The following MACROD2 variants were observed in gnomAD, a reference collection of about 807,000 sequenced individuals.
MACROD2 encodes the protein ADP-ribose glycohydrolase MACROD2.
Under a neutral mutation model 70.4 loss-of-function variants are expected in MACROD2, and 36 were observed. The ratio of observed to expected loss-of-function variants is 0.51; its 90% CI spans 0.39 to 0.68. MACROD2 has a LOEUF of 0.68. MACROD2 is among the 30% of genes least tolerant of loss of function. The probability of loss-of-function intolerance (pLI) is 0.00; values close to 1 mark genes in which losing one functional copy is unlikely to be tolerated. For missense variants in MACROD2, 496 were observed against 538.4 expected (o/e 0.92, Z 0.78); for synonymous variants, 172 against 178.8 (o/e 0.96, Z 0.30).
chr20:14,072,967 A>T (rs938573406), intron 2 of MACROD2, among the ~76,000 whole-genome samples: 1 of 152,044 alleles, frequency 6.6e-6, no homozygotes, highest in Non-Finnish European at 1.5e-5. Flanking sequence ...ATCATGGTAA[A>T]TGCTATACAA....
intron 3 of MACROD2, among the ~76,000 whole-genome samples, chr20:14,380,749 T>G (rs1039561182): frequency 6.6e-6 from 1 of 152,148 alleles, no homozygotes. Context: ...ACTCTCAATC[T>G]GTTTCATTTG....
chr20:15,674,103 G>GT (rs138154797), intron 8 of MACROD2, among the ~76,000 whole-genome samples: 4,083 of 152,228 alleles, frequency 0.027, 216 homozygotes, highest in East Asian at 0.18. Context: ...TGGGGTGGTG[G>GT]TTCTGCGTTT....
chr20:14,268,476 T>C (rs910982408), intron 3 of MACROD2, among the ~76,000 whole-genome samples: 8 of 152,190 alleles, frequency 5.3e-5, no homozygotes, highest in Admixed American at 1.3e-4. Flanking sequence ...TAATCCCCTA[T>C]ATTTCTTGTA....
At chr20:14,456,681 A>G (rs1279469836) in intron 3 of MACROD2, among the ~76,000 whole-genome samples, 1 of 151,192 alleles carries the variant, frequency 6.6e-6, no homozygotes, top group African/African-American at 2.5e-5. Flanking sequence ...CTGATAGTGA[A>G]CAAAACATAC....
intron 8 of MACROD2, among the ~76,000 whole-genome samples, chr20:15,638,150 G>C (rs1432848370): frequency 6.6e-6 from 1 of 152,176 alleles, no homozygotes; most frequent in African/African-American, 2.4e-5. Flanking sequence ...AAGGAATTTG[G>C]CTCTGACATG....
intron 5 of MACROD2, among the ~76,000 whole-genome samples, chr20:15,073,081 A>G (rs1445990909): frequency 1.3e-5 from 2 of 152,124 alleles, no homozygotes; most frequent in African/African-American, 4.8e-5. Context: ...TAGCACCTTG[A>G]TATTGGACTT....
chr20:15,172,563 T>G (rs960881386), intron 5 of MACROD2, among the ~76,000 whole-genome samples: 1 of 152,178 alleles, frequency 6.6e-6, no homozygotes, highest in African/African-American at 2.4e-5. Context: ...CTGTTTTGTT[T>G]TTTTTTCTTT....
chr20:15,873,728 G>A (rs1475757961), intron 9 of MACROD2, among the ~76,000 whole-genome samples: 1 of 151,874 alleles, frequency 6.6e-6, no homozygotes, highest in East Asian at 1.9e-4. Flanking sequence ...GAAGATGAAA[G>A]GACGAAAAGT....
intron 5 of MACROD2, among the ~76,000 whole-genome samples, chr20:15,041,761 A>AT (rs888761113): frequency 2.0e-5 from 3 of 151,954 alleles, no homozygotes; most frequent in Admixed American, 1.3e-4. Flanking sequence ...TTTAATTTAT[A>AT]TTTTTCAGAT....
intron 8 of MACROD2, among the ~76,000 whole-genome samples, chr20:15,787,551 AG>A (rs1305749743): frequency 6.6e-6 from 1 of 152,096 alleles, no homozygotes; most frequent in African/African-American, 2.4e-5. Context: ...CTTGTAAGTG[AG>A]AACATGCAGT....
At chr20:15,615,694 C>T (rs1273217307) in intron 8 of MACROD2, among the ~76,000 whole-genome samples, 1 of 152,164 alleles carries the variant, frequency 6.6e-6, no homozygotes, top group Non-Finnish European at 1.5e-5. Context: ...GAGTGTCCTG[C>T]TCTTTCCCAA....
intron 5 of MACROD2, among the ~76,000 whole-genome samples, chr20:15,058,027 T>C (rs1450031985): frequency 1.3e-5 from 2 of 152,196 alleles, no homozygotes; most frequent in African/African-American, 4.8e-5. Flanking sequence ...AAGTCATGTG[T>C]GTCAGAATTC....
intron 3 of MACROD2, among the ~76,000 whole-genome samples, chr20:14,172,019 G>A (rs1299628616): frequency 6.6e-6 from 1 of 152,088 alleles, no homozygotes; most frequent in African/African-American, 2.4e-5. Flanking sequence ...GGGAGCTGCC[G>A]TGTTAGGTGT....
intron 8 of MACROD2, among the ~76,000 whole-genome samples, chr20:15,501,016 G>A (rs569990591): frequency 6.6e-6 from 1 of 152,088 alleles, no homozygotes; most frequent in Non-Finnish European, 1.5e-5. Flanking sequence ...TCTAGGGTAG[G>A]TATATGTTAT....
chr20:14,297,081 G>A lies in MACROD2; in HGVS notation c.272-196398G>A, dbSNP rs553840035. Among the ~76,000 whole-genome samples, 16 of 151,732 alleles carry A rather than the reference G, an allele frequency of 1.1e-4. 1 individual carries two copies. In the East Asian group the frequency reaches 1.5e-3, roughly 15 times the overall value. On this transcript the variant is annotated intron_variant, in intron 3 of 17. Transcript: ENST00000684519. ...ACTATTGTAACTGTTACAAATTGCC[G>A]TGAACTGAGCACATATAAGATGGCA...
At chr20:14,617,979 C>T (rs1983577768) in intron 4 of MACROD2, among the ~76,000 whole-genome samples, 1 of 152,154 alleles carries the variant, frequency 6.6e-6, no homozygotes, top group South Asian at 2.1e-4. Context: ...TCTTCAATCT[C>T]TCTTCTTTTG....
intron 3 of MACROD2, among the ~76,000 whole-genome samples, chr20:14,228,572 T>G (rs2122194547): frequency 6.6e-6 from 1 of 152,286 alleles, no homozygotes; most frequent in Middle Eastern, 3.4e-3. Context: ...TGGCTATCAA[T>G]GAAGAATTGC....
intron 5 of MACROD2, among the ~76,000 whole-genome samples, chr20:15,076,144 C>T (rs1224696624): frequency 6.6e-6 from 1 of 152,068 alleles, no homozygotes; most frequent in Non-Finnish European, 1.5e-5. Flanking sequence ...ACTGCCTATA[C>T]AATTTTGTGT....
intron 3 of MACROD2, among the ~76,000 whole-genome samples, chr20:14,416,200 G>T (rs1404472163): frequency 1.3e-5 from 2 of 152,080 alleles, no homozygotes; most frequent in African/African-American, 4.8e-5. Context: ...CTTGTGATCT[G>T]CCCTCCTTGG....
Sources: allele counts gnomAD v4.1 joint callset (sites outside exome capture counted in the v4.1 genomes callset), GRCh38; gene constraint gnomAD v4.1.1; transcripts MANE v1.5; gene names NCBI Gene and HGNC (gene_info 2026-07-23, HGNC 2026-07-21).